The following TMPRSS15 variants were observed in gnomAD, a reference collection of about 807,000 sequenced individuals.
The protein encoded by TMPRSS15 is transmembrane serine protease 15.
A neutral mutation model predicts 125.3 loss-of-function variants in TMPRSS15; 128 were observed. That is an observed-to-expected ratio of 1.02 (90% confidence interval 0.89 to 1.18). TMPRSS15 has a LOEUF of 1.18. Among genes scored for constraint, TMPRSS15 ranks in the 50% most tolerant of loss-of-function variants. The probability of loss-of-function intolerance (pLI) is 0.00; values close to 1 mark genes in which losing one functional copy is unlikely to be tolerated. For synonymous variants in TMPRSS15, 446 were observed against 423.2 expected, an observed-to-expected ratio of 1.05 and a Z score of -0.66; for missense variants, 1,283 against 1,212.7, an observed-to-expected ratio of 1.06 and a Z score of -0.86.
intron 21 of TMPRSS15, among the ~76,000 whole-genome samples, chr21:18,282,926 G>A (rs769974067): frequency 2.0e-5 from 3 of 152,162 alleles, no homozygotes; most frequent in Non-Finnish European, 4.4e-5. Context: ...GCAAGAGGGA[G>A]AGATAAGCTC....
intron 1 of TMPRSS15, among the ~76,000 whole-genome samples, chr21:18,437,172 A>G (rs199933468): frequency 0.31 from 45,518 of 148,750 alleles, 8,496 homozygotes; most frequent in East Asian, 0.76. Context: ...ATAACGCCGC[A>G]TATCTACAAC....
chr21:18,314,505 T>C (rs138971522), intron 17 of TMPRSS15, among the ~76,000 whole-genome samples: 6,006 of 152,196 alleles, frequency 0.039, 388 homozygotes, highest in African/African-American at 0.14. Context: ...CATGAACTCC[T>C]GACCTCAGAT....
At chr21:18,341,790 C>G (rs2075448869) in intron 12 of TMPRSS15, among the ~76,000 whole-genome samples, 1 of 152,184 alleles carries the variant, frequency 6.6e-6, no homozygotes, top group Non-Finnish European at 1.5e-5. Flanking sequence ...TGTCTTCCTT[C>G]TGAATTAGTC....
At chr21:18,418,291 T>C (rs1418502712) in intron 1 of TMPRSS15, among the ~76,000 whole-genome samples, 1 of 152,220 alleles carries the variant, frequency 6.6e-6, no homozygotes, top group African/African-American at 2.4e-5. Context: ...AAGAACCTTA[T>C]TTTAAAAAGT....
intron 3 of TMPRSS15, among the ~76,000 whole-genome samples, chr21:18,386,792 T>G (rs2075947931): frequency 6.6e-6 from 1 of 152,180 alleles, no homozygotes; most frequent in African/African-American, 2.4e-5. Flanking sequence ...TAAATCTGTT[T>G]TATTTCTATG....
intron 21 of TMPRSS15, among the ~76,000 whole-genome samples, chr21:18,287,992 C>T (rs914406564): frequency 6.6e-6 from 1 of 151,920 alleles, no homozygotes; most frequent in Non-Finnish European, 1.5e-5. Flanking sequence ...GGAATCAATC[C>T]AAAGGAAAAG....
At chr21:18,456,694 CAT>C (rs1435066173) in intron 1 of TMPRSS15, among the ~76,000 whole-genome samples, 1 of 151,982 alleles carries the variant, frequency 6.6e-6, no homozygotes, top group African/African-American at 2.4e-5. Flanking sequence ...ATGTAAATCA[CAT>C]ATAAATAATT....
chr21:18,425,456 T>G (rs2076200691), intron 1 of TMPRSS15, among the ~76,000 whole-genome samples: 1 of 152,090 alleles, frequency 6.6e-6, no homozygotes, highest in Non-Finnish European at 1.5e-5. Flanking sequence ...GAAAAGAAGT[T>G]TCCCATTGTA....
At chr21:18,281,001 T>G (rs1445239297) in intron 22 of TMPRSS15, 39 bp downstream of exon 22, 16 of 1,588,716 alleles carry the variant, frequency 1.0e-5, no homozygotes, top group Non-Finnish European at 1.3e-5. Context: ...GAATTAATTT[T>G]GGCAGATAAG....
At chr21:18,341,346 T>C (rs952053200) in intron 13 of TMPRSS15, 67 bp downstream of exon 13, 2 of 1,591,554 alleles carry the variant, frequency 1.3e-6, no homozygotes, top group East Asian at 2.2e-5. Context: ...GCTGGAATTA[T>C]AGCTGTGAGC....
At position 18,365,127 on chromosome 21, in the gene TMPRSS15, G is replaced by C; in HGVS notation, c.773+13C>G. Reference sequence around the variant, plus strand: ...TATGACTTAAGAACAGAAAATATAAGATCTTGTATTACCGTATGATCCACT... The same window carrying C: ...TATGACTTAAGAACAGAAAATATAACATCTTGTATTACCGTATGATCCACT... On this transcript the variant is annotated intron_variant, in intron 7 of 24. Coordinates refer to ENST00000284885, the MANE Select transcript of TMPRSS15 (RefSeq NM_002772.3). 1 of 1,601,318 alleles carries C rather than the reference G, an allele frequency of 6.2e-7. No individual in the cohort carries two copies.
chr21:18,406,445 AT>A (rs2076152131), upstream of TMPRSS15, among the ~76,000 whole-genome samples: 1 of 152,158 alleles, frequency 6.6e-6, no homozygotes, highest in South Asian at 2.1e-4. Context: ...TGGCTTACAA[AT>A]AAAAAACACT....
chr21:18,280,593 A>AAAAAAAAAACAAC (rs1267521488), intron 22 of TMPRSS15, among the ~76,000 whole-genome samples: 1 of 143,596 alleles, frequency 7.0e-6, no homozygotes, highest in African/African-American at 2.8e-5. Flanking sequence ...AAAAAAAAAA[A>AAAAAAAAAACAAC]AACAACAAAA....
In TMPRSS15 at chr21:18,279,311, C is replaced by CTTTTTTTTTTT. The variant is rs71189593; in HGVS notation, c.2669-263_2669-253dup. On this transcript the variant is annotated intron_variant, in intron 22 of 24. Coordinates refer to ENST00000284885, the MANE Select transcript of TMPRSS15 (RefSeq NM_002772.3). ...GTCTTTTACTAGTCTCCTCGTTACT[C>CTTTTTTTTTTT]TTTTTTTTTTTTTTTTTTTTTTTTT... 5.8e-4 allele frequency among the ~76,000 whole-genome samples: 24 copies of CTTTTTTTTTTT among 41,128 alleles called. 5 individuals carry two copies. Among genetic ancestry groups the CTTTTTTTTTTT allele is most frequent in the South Asian group, 2.8e-3 (2 of 724 alleles). 27.0% of individuals were successfully genotyped at this position (41,128 alleles called of 152,430 possible).
intron 21 of TMPRSS15, among the ~76,000 whole-genome samples, chr21:18,293,732 G>A (rs962544571): frequency 2.2e-4 from 33 of 152,272 alleles, no homozygotes; most frequent in Non-Finnish European, 4.0e-4. Flanking sequence ...GTTGATATTA[G>A]TTCTAAATTT....
chr21:18,445,561 T>C (rs1416177010), intron 1 of TMPRSS15, among the ~76,000 whole-genome samples: 1 of 152,160 alleles, frequency 6.6e-6, no homozygotes, highest in Non-Finnish European at 1.5e-5. Flanking sequence ...TGAATATTGC[T>C]GCAAAATACT....
Position 18,313,029 on chromosome 21 carries a change from C to A in TMPRSS15, c.2081G>T (p.Arg694Ile), listed in dbSNP as rs771999495. 1.9e-6 allele frequency: 3 copies of A among 1,613,956 alleles called. No individual in the cohort carries two copies. The South Asian group carries it at 3.3e-5, about 18-fold the overall frequency. The change falls in exon 18 of 25, where the codon AGA becomes ATA. Residue 694 changes from arginine (R) to isoleucine (I), a missense_variant. Arg to Ile is a moderately conservative substitution (Grantham distance 97). Coordinates refer to ENST00000284885, the MANE Select transcript of TMPRSS15 (RefSeq NM_002772.3). ...AGCTGTATGCCATATGCTCTGGATT[C>A]TGAACCGCACTAAACCATTGTTGTT... ...TTNNNGLVRF[R>I]IQSIWHTACA... is the part of the protein sequence containing the mutation.
chr21:18,428,684 G>A (rs1035397637), intron 1 of TMPRSS15, among the ~76,000 whole-genome samples: 1 of 152,162 alleles, frequency 6.6e-6, no homozygotes, highest in Non-Finnish European at 1.5e-5. Flanking sequence ...CAGAAGTCAA[G>A]AATTGAGGTT....
At chr21:18,475,157 C>T (rs971933748) in intron 1 of TMPRSS15, among the ~76,000 whole-genome samples, 2 of 151,836 alleles carry the variant, frequency 1.3e-5, no homozygotes, top group Non-Finnish European at 2.9e-5. Flanking sequence ...AATAGAGATT[C>T]GATTTTTTAT....
Sources: allele counts gnomAD v4.1 joint callset (sites outside exome capture counted in the v4.1 genomes callset), GRCh38; gene constraint gnomAD v4.1.1; transcripts MANE v1.5; gene names NCBI Gene and HGNC (gene_info 2026-07-23, HGNC 2026-07-21).